ULK4: variants seen among roughly 807,000 people sequenced by gnomAD.
The protein encoded by ULK4 is inactive serine/threonine-protein kinase ULK4.
A neutral mutation model predicts 160.6 loss-of-function variants in ULK4; 133 were observed. The observed-to-expected ratio is 0.83, with a 90% CI of 0.72 to 0.96. The LOEUF (loss-of-function observed/expected upper bound fraction) is 0.96. ULK4 is among the 40% of genes least tolerant of loss of function. The probability of loss-of-function intolerance (pLI) is 0.00; values close to 1 mark genes in which losing one functional copy is unlikely to be tolerated. For missense variants in ULK4, 1,580 were observed against 1,499.5 expected (o/e 1.05, Z -0.89); for synonymous variants, 534 against 539.8 (o/e 0.99, Z 0.15).
intron 30 of ULK4, among the ~76,000 whole-genome samples, chr3:41,622,555 C>A (rs1275174882): frequency 6.9e-6 from 1 of 145,284 alleles, no homozygotes; most frequent in Non-Finnish European, 1.5e-5. Flanking sequence ...TGAGAACACA[C>A]ACATGGACAC....
At position 41,898,476 on chromosome 3, in the gene ULK4, G is replaced by T. The variant is rs760981056; in HGVS notation, c.1304C>A (p.Pro435Gln). The change falls in exon 14 of 37, where the codon CCA (proline) becomes CAA (glutamine). Residue 435 changes from proline to glutamine, a missense_variant. Coordinates refer to ENST00000301831, the MANE Select transcript of ULK4 (RefSeq NM_017886.4). ...CAATATTTTTGCATCAAATTTAACT[G>T]GTGGCTGTTTCATTATCTGTGGTTT... ...IDNPKIMKQP[P>Q]VKFDAKILHL... The T allele has an allele frequency of 6.3e-7, 1 of 1,595,006 alleles. No individual in the cohort carries two copies. The highest frequency in any genetic ancestry group is 8.5e-7 in the Non-Finnish European group (1 of 1,171,850).
At chr3:41,803,965 T>C (rs1234042378) in intron 19 of ULK4, among the ~76,000 whole-genome samples, 3 of 152,218 alleles carry the variant, frequency 2.0e-5, no homozygotes, top group Non-Finnish European at 4.4e-5. Flanking sequence ...TGTGTCTTTA[T>C]AGCAGCATGA....
chr3:41,504,578 T>C lies in ULK4; in HGVS notation c.3227-41325A>G, dbSNP rs143255275. ...CAAGCTACAAAGGGAGAAAAATCAT[T>C]ATTAAATTCCAATCTATCATCTATA... On this transcript the variant is annotated intron_variant, in intron 32 of 36. Transcript: ENST00000301831. Among the ~76,000 whole-genome samples the C allele has an allele frequency of 5.7e-3, 869 of 152,220 alleles. 5 individuals are homozygous for C. The highest frequency in any genetic ancestry group is 0.02 in the African/African-American group (829 of 41,540).
rs368860731 is a variant in ULK4, at chr3:41,897,021, T to G, written c.1349-18A>C. 2.6e-5 allele frequency: 41 copies of G among 1,584,612 alleles called. No homozygotes were observed. Among genetic ancestry groups the G allele is most frequent in the Non-Finnish European group, 3.5e-5 (41 of 1,161,770 alleles). ...CTTATCCACTGCGATGGAAAGAAAA[T>G]AATAAAAGTACATATGATGAGAAAA... On this transcript the variant is annotated intron_variant, in intron 14 of 36. Transcript: ENST00000301831.
chr3:41,881,473 G>C (rs1011815386), intron 17 of ULK4, among the ~76,000 whole-genome samples: 1 of 152,100 alleles, frequency 6.6e-6, no homozygotes, highest in Admixed American at 6.5e-5. Context: ...CTCACAGCAG[G>C]AATTAGGTTG....
chr3:41,270,833 T>C (rs2079126631), intron 35 of ULK4, among the ~76,000 whole-genome samples: 1 of 152,154 alleles, frequency 6.6e-6, no homozygotes, highest in Non-Finnish European at 1.5e-5. Flanking sequence ...GAGAGTAGAG[T>C]ACATTTTTTA....
At chr3:41,534,614 C>T (rs2086431956) in intron 32 of ULK4, among the ~76,000 whole-genome samples, 1 of 151,852 alleles carries the variant, frequency 6.6e-6, no homozygotes, top group South Asian at 2.1e-4. Flanking sequence ...ATGTCAACAG[C>T]CATGAACTGA....
intron 31 of ULK4, among the ~76,000 whole-genome samples, chr3:41,578,330 G>C (rs2088270087): frequency 6.6e-6 from 1 of 152,178 alleles, no homozygotes; most frequent in Non-Finnish European, 1.5e-5. Context: ...TTTTAAGCAT[G>C]ATCATATTTC....
Position 41,918,524 on chromosome 3 carries a change from G to T in ULK4, c.660C>A (p.Phe220Leu). Residue 220 changes from phenylalanine (F) to leucine (L), a missense_variant, in exon 7 of 37, where the codon TTC (phenylalanine) becomes TTA (leucine). By Grantham distance (22) the Phe-to-Leu change is conservative. Transcript: ENST00000301831. ...YEMFSGKPPF[F>L]SESISELTEK... Reference sequence around the variant, plus strand: ...CAGTTAATTCTGAAATACTTTCTGAGAAGAATGGAGGTTTTCCTGAAATCA... The same window carrying T: ...CAGTTAATTCTGAAATACTTTCTGATAAGAATGGAGGTTTTCCTGAAATCA... 6.4e-7 allele frequency: 1 copy of T among 1,574,040 alleles called. No homozygotes were observed. Among genetic ancestry groups the T allele is most frequent in the Middle Eastern group, 1.7e-4 (1 of 5,838 alleles).
At chr3:41,385,490 G>A (rs2081785561) in intron 35 of ULK4, among the ~76,000 whole-genome samples, 1 of 151,972 alleles carries the variant, frequency 6.6e-6, no homozygotes, top group African/African-American at 2.4e-5. Flanking sequence ...AAAATAGGAA[G>A]GGAAGGCAAC....
At chr3:41,334,837 T>C (rs1253188928) in intron 35 of ULK4, among the ~76,000 whole-genome samples, 1 of 152,020 alleles carries the variant, frequency 6.6e-6, no homozygotes, top group Non-Finnish European at 1.5e-5. Flanking sequence ...ACTTCTGTTT[T>C]AATTCATCCT....
chr3:41,318,843 A>T (rs1249223015), intron 35 of ULK4, among the ~76,000 whole-genome samples: 1 of 152,244 alleles, frequency 6.6e-6, no homozygotes, highest in Non-Finnish European at 1.5e-5. Context: ...TTTGGAATGA[A>T]GAGGACTTAA....
intron 34 of ULK4, among the ~76,000 whole-genome samples, chr3:41,438,108 TA>T (rs11457444): frequency 0.032 from 3,983 of 122,860 alleles, 97 homozygotes; most frequent in African/African-American, 0.08. Flanking sequence ...TGTTTATTGT[TA>T]AAAAAAAAAA....
In ULK4 at chr3:41,959,689, A is replaced by G. The variant is rs75696508; in HGVS notation, c.-49+2327T>C. ...CACAGTGCCTCATGTCTGTAATCCCAACGCTTTCGGAGGTGGAGGCAGGAT... is the reference window on the plus strand; with the variant it reads ...CACAGTGCCTCATGTCTGTAATCCCGACGCTTTCGGAGGTGGAGGCAGGAT... On this transcript the variant is annotated intron_variant, in intron 1 of 36. Transcript: ENST00000301831. 4.0e-3 allele frequency among the ~76,000 whole-genome samples: 609 copies of G among 152,154 alleles called. 3 individuals carry two copies. Among genetic ancestry groups the G allele is most frequent in the African/African-American group, 0.014 (577 of 41,490 alleles).
chr3:41,715,230 T>G lies in ULK4; in HGVS notation c.2634+7A>C, dbSNP rs2037227057. The G allele has an allele frequency of 6.2e-7, 1 of 1,610,146 alleles. No individual in the cohort carries two copies. The highest frequency in any genetic ancestry group is 8.5e-7 in the Non-Finnish European group (1 of 1,179,200). ...ATTAGAAACAAGGAAAATTTCGTGTTACTCACAAGAATAGTTCCATAGCTG... is the reference window on the plus strand; with the variant it reads ...ATTAGAAACAAGGAAAATTTCGTGTGACTCACAAGAATAGTTCCATAGCTG... On this transcript the variant is annotated splice_region_variant and intron_variant, in intron 25 of 36. Transcript: ENST00000301831.
intron 30 of ULK4, among the ~76,000 whole-genome samples, chr3:41,632,066 A>C (rs1202531265): frequency 6.6e-6 from 1 of 152,146 alleles, no homozygotes; most frequent in African/African-American, 2.4e-5. Flanking sequence ...ATTCTCCCCA[A>C]GACATGATTC....
At chr3:41,880,610 T>G (rs1716690) in intron 17 of ULK4, among the ~76,000 whole-genome samples, 104,840 of 152,086 alleles carry the variant, frequency 0.69, 39,478 homozygotes, top group East Asian at 0.83. Context: ...AGTAACAAAA[T>G]GAGGTTCTAT....
chr3:41,706,827 C>CAA (rs1156423434), intron 25 of ULK4, among the ~76,000 whole-genome samples: 4 of 58,212 alleles, frequency 6.9e-5, no homozygotes, highest in South Asian at 6.9e-4. Flanking sequence ...GACTCTGTCT[C>CAA]AAAAAAAAAA....
At chr3:41,303,012 T>C (rs2079829839) in intron 35 of ULK4, among the ~76,000 whole-genome samples, 1 of 152,212 alleles carries the variant, frequency 6.6e-6, no homozygotes, top group Admixed American at 6.5e-5. Context: ...GAAGACAGAA[T>C]TGTGCATTTA....
Sources: gnomAD v4.1 joint callset for allele counts (sites outside exome capture counted in the v4.1 genomes callset) on GRCh38, gnomAD v4.1.1 for gene constraint, MANE v1.5 for transcripts, NCBI Gene and HGNC (gene_info 2026-07-23, HGNC 2026-07-21) for gene names.